TRMT11: variants seen among roughly 807,000 people sequenced by gnomAD.
TRMT11 encodes tRNA methyltransferase 11.
Under a neutral mutation model 62.8 loss-of-function variants are expected in TRMT11, and 53 were observed. That is an observed-to-expected ratio of 0.84 (90% CI 0.68 to 1.06). The LOEUF is 1.06. Among genes scored for constraint, TRMT11 ranks in the 50% least tolerant of loss-of-function variants. The pLI is 0.00. For missense variants in TRMT11, 556 were observed against 553.4 expected (o/e 1.00, Z -0.05); for synonymous variants, 188 against 190.3 (o/e 0.99, Z 0.10).
At chr6:126,080,032 C>A (rs756462083) in intron 17 of TRMT11, among the ~76,000 whole-genome samples, 3 of 152,140 alleles carry the variant, frequency 2.0e-5, no homozygotes, top group Admixed American at 6.6e-5. Context: ...GGTGAGCAGT[C>A]TGCTAGTGTA....
chr6:126,145,617 G>C (rs867658288), intron 21 of TRMT11, among the ~76,000 whole-genome samples: 1 of 152,132 alleles, frequency 6.6e-6, no homozygotes, highest in Non-Finnish European at 1.5e-5. Flanking sequence ...GGTGGGAGAG[G>C]GGGAGAGAAG....
chr6:126,208,821 T>G, the TRMT11 span, among the ~76,000 whole-genome samples: 1 of 152,236 alleles, frequency 6.6e-6, no homozygotes, highest in East Asian at 1.9e-4. Context: ...GCAATGAACA[T>G]TCCAGTCCTC....
the TRMT11 span, among the ~76,000 whole-genome samples, chr6:126,254,263 T>C: frequency 1.3e-5 from 2 of 152,176 alleles, no homozygotes; most frequent in Non-Finnish European, 2.9e-5. Context: ...CTCAGATAGG[T>C]ATGGTTAAGT....
the TRMT11 span, among the ~76,000 whole-genome samples, chr6:126,270,640 A>C: frequency 6.6e-6 from 1 of 152,224 alleles, no homozygotes; most frequent in Non-Finnish European, 1.5e-5. Flanking sequence ...ATACATGCTG[A>C]GGAATTAAGC....
At chr6:126,135,869 G>T (rs1452327496) in intron 21 of TRMT11, among the ~76,000 whole-genome samples, 1 of 151,836 alleles carries the variant, frequency 6.6e-6, no homozygotes, top group Non-Finnish European at 1.5e-5. Flanking sequence ...TATGTCAACA[G>T]AATCAAGGAC....
At chr6:126,231,095 T>C in the TRMT11 span, among the ~76,000 whole-genome samples, 6 of 152,312 alleles carry the variant, frequency 3.9e-5, no homozygotes, top group South Asian at 6.2e-4. Context: ...TTAGCTGTCT[T>C]TTATCTGGTG....
At chr6:126,179,891 T>C (rs57199207) in intron 1 of TRMT11, among the ~76,000 whole-genome samples, 19,677 of 152,100 alleles carry the variant, frequency 0.13, 4,218 homozygotes, top group African/African-American at 0.45. Flanking sequence ...GGGAAGAAAA[T>C]TTAAAAACAC....
intron 12 of TRMT11, among the ~76,000 whole-genome samples, chr6:126,030,573 G>C (rs1774013175): frequency 6.6e-6 from 1 of 152,122 alleles, no homozygotes; most frequent in Admixed American, 6.5e-5. Flanking sequence ...AGCATCACTG[G>C]TTTTCACTTA....
At chr6:126,036,912 C>A (rs1374637068) in intron 12 of TRMT11, among the ~76,000 whole-genome samples, 1 of 152,078 alleles carries the variant, frequency 6.6e-6, no homozygotes, top group African/African-American at 2.4e-5. Flanking sequence ...GTCATCTGTT[C>A]TTTCAGGGTT....
At chr6:126,268,138 C>T in the TRMT11 span, among the ~76,000 whole-genome samples, 1 of 152,100 alleles carries the variant, frequency 6.6e-6, no homozygotes, top group Non-Finnish European at 1.5e-5. Flanking sequence ...AGGATAATTT[C>T]ACAAATACAC....
intron 21 of TRMT11, among the ~76,000 whole-genome samples, chr6:126,132,758 C>T (rs551684516): frequency 2.0e-5 from 3 of 152,042 alleles, no homozygotes; most frequent in Non-Finnish European, 4.4e-5. Context: ...ACTCAGAACT[C>T]AGGGTGGGTG....
At chr6:126,157,857 A>C (rs545877543) in intron 21 of TRMT11, among the ~76,000 whole-genome samples, 94 of 152,284 alleles carry the variant, frequency 6.2e-4, no homozygotes, top group Non-Finnish European at 1.2e-3. Context: ...TTACATTTTT[A>C]AATTGTAAAA....
chr6:126,012,194 G>T (rs1467297465), intron 9 of TRMT11, among the ~76,000 whole-genome samples: 6 of 151,726 alleles, frequency 4.0e-5, no homozygotes, highest in African/African-American at 1.2e-4. Flanking sequence ...TGAAAATTTA[G>T]TTTTTTTTAA....
intron 17 of TRMT11, among the ~76,000 whole-genome samples, chr6:126,060,084 A>G (rs968258503): frequency 4.6e-5 from 7 of 152,246 alleles, no homozygotes; most frequent in African/African-American, 1.7e-4. Context: ...TCTAGTGAAC[A>G]TGAACTGTCA....
intron 17 of TRMT11, among the ~76,000 whole-genome samples, chr6:126,066,242 G>C (rs557931796): frequency 6.6e-6 from 1 of 152,200 alleles, no homozygotes; most frequent in African/African-American, 2.4e-5. Flanking sequence ...TCTGGGCCTG[G>C]CTGTGAGTGA....
chr6:126,146,518 A>ATTTT, intron 21 of TRMT11, among the ~76,000 whole-genome samples: 2 of 143,706 alleles, frequency 1.4e-5, no homozygotes. Flanking sequence ...ACTAAATGAA[A>ATTTT]TTTTTTTTTT....
At chr6:126,156,927 C>T (rs1778128940) in intron 21 of TRMT11, among the ~76,000 whole-genome samples, 1 of 152,210 alleles carries the variant, frequency 6.6e-6, no homozygotes, top group Non-Finnish European at 1.5e-5. Flanking sequence ...CACTCATACA[C>T]AGGCATCTTC....
At chr6:126,186,162 T>G (rs1426882172) in intron 1 of TRMT11, among the ~76,000 whole-genome samples, 2 of 152,228 alleles carry the variant, frequency 1.3e-5, no homozygotes, top group Non-Finnish European at 2.9e-5. Context: ...CAAAGGTCTT[T>G]CATAGCTTAC....
At position 126,102,437 on chromosome 6, in the gene TRMT11, G is replaced by A. The variant is rs560192447; in HGVS notation, c.*1438-10429G>A. 4.0e-5 allele frequency among the ~76,000 whole-genome samples: 6 copies of A among 151,882 alleles called. 1 individual carries two copies. Among genetic ancestry groups the A allele is most frequent in the South Asian group, 4.2e-4 (2 of 4,802 alleles). On this transcript the variant is annotated intron_variant and NMD_transcript_variant, in intron 17 of 22. Coordinates refer to the TRMT11 transcript ENST00000648977. ...CCCAGCCTCCTGCGATGCTGGCCTCGTCGTTGAAAAAACACAAAAGCAAAC... is the reference window on the plus strand; with the variant it reads ...CCCAGCCTCCTGCGATGCTGGCCTCATCGTTGAAAAAACACAAAAGCAAAC...
Sources: gnomAD v4.1 joint callset for allele counts (sites outside exome capture counted in the v4.1 genomes callset) on GRCh38, gnomAD v4.1.1 for gene constraint, MANE v1.5 for transcripts, NCBI Gene and HGNC (gene_info 2026-07-23, HGNC 2026-07-21) for gene names.